The following TMEM116 variants were observed in gnomAD, a reference collection of about 807,000 sequenced individuals.
TMEM116 encodes transmembrane protein 116.
TMEM116 carries 38 observed loss-of-function variants against 44.3 expected under a neutral mutation model. The observed-to-expected ratio is 0.86, with a 90% CI of 0.66 to 1.12. The LOEUF (loss-of-function observed/expected upper bound fraction) is 1.12. TMEM116 is among the 50% of genes most tolerant of loss of function. The probability of loss-of-function intolerance (pLI) is 0.00; values close to 1 mark genes in which losing one functional copy is unlikely to be tolerated. For synonymous variants in TMEM116, 132 were observed against 144.8 expected, an observed-to-expected ratio of 0.91 and a Z score of 0.64; for missense variants, 354 against 401.7, an observed-to-expected ratio of 0.88 and a Z score of 1.01.
chr12:111,944,037 G>A (rs562195169), intron 4 of TMEM116, among the ~76,000 whole-genome samples: 1 of 151,966 alleles, frequency 6.6e-6, no homozygotes, highest in Admixed American at 6.6e-5. Flanking sequence ...GTAATGACAG[G>A]CTAAGCTATT....
chr12:111,985,663 C>T (rs945259784), intron 4 of TMEM116, among the ~76,000 whole-genome samples: 17 of 152,104 alleles, frequency 1.1e-4, no homozygotes, highest in African/African-American at 3.9e-4. Context: ...TCATGGCCCA[C>T]GGCAGCCTCA....
At chr12:111,989,426 T>G (rs1422039419) in intron 4 of TMEM116, among the ~76,000 whole-genome samples, 1 of 152,250 alleles carries the variant, frequency 6.6e-6, no homozygotes, top group African/African-American at 2.4e-5. Flanking sequence ...GCCTAACCTG[T>G]CTACTATGCG....
At chr12:112,007,890 C>A (rs1193140116) in intron 1 of TMEM116, among the ~76,000 whole-genome samples, 1 of 152,202 alleles carries the variant, frequency 6.6e-6, no homozygotes, top group African/African-American at 2.4e-5. Flanking sequence ...CAAAATTAAT[C>A]CCCTGCTTGC....
intron 4 of TMEM116, among the ~76,000 whole-genome samples, chr12:111,964,449 A>AC (rs2074846266): frequency 6.6e-6 from 1 of 152,092 alleles, no homozygotes; most frequent in Non-Finnish European, 1.5e-5. Flanking sequence ...TCAAAAAAAA[A>AC]AAAAAAAAGT....
In TMEM116 at chr12:111,985,842, C is replaced by A. The variant is rs1431161873; in HGVS notation, c.210+5916G>T. On this transcript the variant is annotated intron_variant, in intron 4 of 10. Transcript: ENST00000552374. ...AAACTCCTGGGCTCATGCGATCTGC[C>A]TGCCTCAGCTTCCCAAAGCGCTGGG... Among the ~76,000 whole-genome samples, 4 of 152,170 alleles carry A rather than the reference C, an allele frequency of 2.6e-5. No homozygotes were observed. In the East Asian group the frequency reaches 7.7e-4, roughly 29 times the overall value.
chr12:111,991,229 A>C (rs1450500080), intron 4 of TMEM116, among the ~76,000 whole-genome samples: 6 of 150,518 alleles, frequency 4.0e-5, no homozygotes, highest in Non-Finnish European at 8.9e-5. Context: ...AAAAAAAAAA[A>C]AAAAAAAAAA....
intron 4 of TMEM116, among the ~76,000 whole-genome samples, chr12:111,989,144 T>C (rs1461605982): frequency 1.3e-5 from 2 of 152,130 alleles, no homozygotes; most frequent in South Asian, 2.1e-4. Flanking sequence ...AACTGGTAGA[T>C]TGTGGAAAGA....
At chr12:111,996,039 C>CAAAAAAAAAAAAAAAAAAAAAAAAAAA (rs60431093) in intron 3 of TMEM116, among the ~76,000 whole-genome samples, 1 of 53,684 alleles carries the variant, frequency 1.9e-5, no homozygotes, top group African/African-American at 6.2e-5. Context: ...GACCCTGTCT[C>CAAAAAAAAAAAAAAAAAAAAAAAAAAA]AAAAAAAAAA....
At chr12:111,934,490 G>C in intron 8 of TMEM116, 1 of 153,694 alleles carries the variant, frequency 6.5e-6, no homozygotes, top group Admixed American at 6.5e-5. Context: ...CACCCGGTGC[G>C]GTGGCTCACG....
At chr12:112,010,358 A>C (rs7952986) in intron 1 of TMEM116, 21,661 of 152,234 alleles carry the variant, frequency 0.14, 1,930 homozygotes, top group African/African-American at 0.25. Flanking sequence ...CTCTGTGGCC[A>C]CAGTGCCTTT....
intron 3 of TMEM116, among the ~76,000 whole-genome samples, chr12:111,998,033 A>T (rs1367056327): frequency 1.3e-5 from 2 of 152,220 alleles, no homozygotes; most frequent in African/African-American, 4.8e-5. Flanking sequence ...TAAATTTAAA[A>T]TGTTTTATTT....
chr12:111,980,442 A>C (rs1217610644), intron 4 of TMEM116, among the ~76,000 whole-genome samples: 1 of 152,000 alleles, frequency 6.6e-6, no homozygotes, highest in Non-Finnish European at 1.5e-5. Context: ...TATATGAATA[A>C]AAAATTTTAG....
chr12:111,938,059 G>C (rs1593275984), intron 6 of TMEM116, 102 bp downstream of exon 6: 1 of 690,186 alleles, frequency 1.4e-6, no homozygotes, highest in East Asian at 2.9e-5. Context: ...TGAGGACTTA[G>C]GACTGACAAT....
chr12:111,981,591 T>C (rs1289169821), intron 4 of TMEM116, among the ~76,000 whole-genome samples: 1 of 152,142 alleles, frequency 6.6e-6, no homozygotes, highest in African/African-American at 2.4e-5. Context: ...AAAGACAGCA[T>C]ATGTCAAAAG....
At chr12:111,982,601 A>G (rs900255601) in intron 4 of TMEM116, among the ~76,000 whole-genome samples, 1 of 151,730 alleles carries the variant, frequency 6.6e-6, no homozygotes, top group African/African-American at 2.4e-5. Flanking sequence ...GTGCCTGGCC[A>G]ATGCATACAA....
intron 4 of TMEM116, among the ~76,000 whole-genome samples, chr12:111,947,249 A>G (rs2073362711): frequency 6.6e-6 from 1 of 151,288 alleles, no homozygotes; most frequent in African/African-American, 2.4e-5. Flanking sequence ...TCATAGTGAC[A>G]TGTGATCCTG....
In TMEM116 at chr12:111,986,607, C is replaced by G. The variant is rs113216599; in HGVS notation, c.210+5151G>C. On this transcript the variant is annotated intron_variant, in intron 4 of 10. Transcript: ENST00000552374. ...GGAGGACTGCTTGAGCCCAGGAGTT[C>G]AAGACTAGTGTGAGCAACATAGGAG... Among the ~76,000 whole-genome samples the G allele has an allele frequency of 1.8e-3, 271 of 152,106 alleles. 1 individual carries two copies. Among genetic ancestry groups the G allele is most frequent in the African/African-American group, 5.9e-3 (246 of 41,490 alleles).
chr12:111,988,179 A>T (rs1302946574), intron 4 of TMEM116, among the ~76,000 whole-genome samples: 1 of 152,182 alleles, frequency 6.6e-6, no homozygotes, highest in Non-Finnish European at 1.5e-5. Flanking sequence ...TACTAGGGAG[A>T]AATGGGCAGT....
intron 5 of TMEM116, among the ~76,000 whole-genome samples, chr12:111,942,043 A>G (rs1185717000): frequency 6.6e-6 from 1 of 151,736 alleles, no homozygotes; most frequent in Non-Finnish European, 1.5e-5. Flanking sequence ...GGTTCAAGCA[A>G]TTCTCCTGCC....
Sources: allele counts gnomAD v4.1 joint callset (sites outside exome capture counted in the v4.1 genomes callset), GRCh38; gene constraint gnomAD v4.1.1; transcripts MANE v1.5; gene names NCBI Gene and HGNC (gene_info 2026-07-23, HGNC 2026-07-21).